PIK3CB: variants seen among roughly 807,000 people sequenced by gnomAD.
The protein encoded by PIK3CB is phosphatidylinositol 4,5-bisphosphate 3-kinase catalytic subunit beta isoform.
In PIK3CB, 39 loss-of-function variants were observed where a neutral mutation model predicts 136.8. The observed-to-expected ratio is 0.29, with a 90% CI of 0.22 to 0.37. PIK3CB has a LOEUF of 0.37. PIK3CB is among the 10% of genes least tolerant of loss of function. The pLI, the probability that PIK3CB is intolerant of heterozygous loss-of-function variation, is 1.00. For synonymous variants in PIK3CB, 428 were observed against 436.6 expected, an observed-to-expected ratio of 0.98 and a Z score of 0.25; for missense variants, 868 against 1,275.4, an observed-to-expected ratio of 0.68 and a Z score of 4.87.
At chr3:138,732,362 C>T (rs1222293623) in intron 8 of PIK3CB, among the ~76,000 whole-genome samples, 3 of 152,106 alleles carry the variant, frequency 2.0e-5, no homozygotes, top group Non-Finnish European at 2.9e-5. Context: ...ACACCAAAGG[C>T]GGTAACCACC....
chr3:138,715,878 CTTT>C (rs1298262127), intron 8 of PIK3CB, among the ~76,000 whole-genome samples: 1 of 151,722 alleles, frequency 6.6e-6, no homozygotes, highest in East Asian at 1.9e-4. Flanking sequence ...AAATAATATT[CTTT>C]TATCTAATTC....
intron 19 of PIK3CB, among the ~76,000 whole-genome samples, chr3:138,672,687 G>A (rs564679756): frequency 6.6e-6 from 1 of 152,214 alleles, no homozygotes; most frequent in East Asian, 1.9e-4. Flanking sequence ...GGAGCCAGGC[G>A]GATCACCTGA....
chr3:138,802,549 GA>G (rs59622228), intron 1 of PIK3CB, among the ~76,000 whole-genome samples: 76,252 of 147,036 alleles, frequency 0.52, 21,843 homozygotes, highest in African/African-American at 0.75. Flanking sequence ...TTTGTGAGGG[GA>G]AAAAAAAAAA....
chr3:138,751,618 T>A (rs1004466377), intron 4 of PIK3CB, among the ~76,000 whole-genome samples: 2 of 152,166 alleles, frequency 1.3e-5, no homozygotes, highest in African/African-American at 4.8e-5. Context: ...CAAATATAAT[T>A]TTTATATTTA....
intron 12 of PIK3CB, among the ~76,000 whole-genome samples, chr3:138,703,108 C>T (rs2044288602): frequency 6.6e-6 from 1 of 152,222 alleles, no homozygotes; most frequent in African/African-American, 2.4e-5. Context: ...TGGTCCCAAA[C>T]TGGCCCAGAG....
At chr3:138,821,175 C>A (rs867068438) in intron 1 of PIK3CB, among the ~76,000 whole-genome samples, 1 of 151,872 alleles carries the variant, frequency 6.6e-6, no homozygotes, top group East Asian at 1.9e-4. Flanking sequence ...ATCCCAGCTA[C>A]TCAGGAGGCT....
intron 19 of PIK3CB, among the ~76,000 whole-genome samples, chr3:138,677,455 A>G (rs1440393964): frequency 6.6e-6 from 1 of 152,228 alleles, no homozygotes; most frequent in Non-Finnish European, 1.5e-5. Flanking sequence ...AAATATTTAA[A>G]ATTGTATACA....
intron 6 of PIK3CB, among the ~76,000 whole-genome samples, chr3:138,736,659 A>G (rs1385431607): frequency 2.0e-5 from 3 of 152,218 alleles, no homozygotes; most frequent in Non-Finnish European, 2.9e-5. Context: ...TGCACATAGC[A>G]TATTTAAACT....
chr3:138,720,606 C>T (rs1362421823), intron 8 of PIK3CB, among the ~76,000 whole-genome samples: 1 of 152,150 alleles, frequency 6.6e-6, no homozygotes, highest in African/African-American at 2.4e-5. Flanking sequence ...GTGGCTTACA[C>T]CTGTAATCCC....
At chr3:138,708,593 CTTTTTT>C (rs11308775) in intron 10 of PIK3CB, among the ~76,000 whole-genome samples, 1 of 141,674 alleles carries the variant, frequency 7.1e-6, no homozygotes, top group South Asian at 2.3e-4. Context: ...GGAGGCAACT[CTTTTTT>C]TTTTTTTTTA....
At chr3:138,806,026 C>T (rs1439909576) in intron 1 of PIK3CB, among the ~76,000 whole-genome samples, 3 of 152,012 alleles carry the variant, frequency 2.0e-5, no homozygotes, top group South Asian at 4.2e-4. Context: ...CCGCGCCCGG[C>T]CCCATCTTCC....
intron 8 of PIK3CB, among the ~76,000 whole-genome samples, chr3:138,717,755 A>G (rs6439817): frequency 0.49 from 74,454 of 152,002 alleles, 20,748 homozygotes; most frequent in East Asian, 0.98. Context: ...AGTTCTTATC[A>G]TTTAGCTTCC....
At chr3:138,765,645 C>T (rs1450966722) in intron 2 of PIK3CB, among the ~76,000 whole-genome samples, 2 of 149,852 alleles carry the variant, frequency 1.3e-5, no homozygotes, top group Non-Finnish European at 1.5e-5. Flanking sequence ...GAGTTCAAGA[C>T]CATCCTGGAC....
intron 1 of PIK3CB, among the ~76,000 whole-genome samples, chr3:138,802,382 AAAAG>A (rs372416229): frequency 0.011 from 1,614 of 151,718 alleles, 37 homozygotes; most frequent in African/African-American, 0.036. Context: ...TCTCAAAAAA[AAAAG>A]AAAGAAAGAA....
chr3:138,769,083 A>G (rs2045769024), intron 2 of PIK3CB, among the ~76,000 whole-genome samples: 1 of 152,058 alleles, frequency 6.6e-6, no homozygotes, highest in Admixed American at 6.6e-5. Flanking sequence ...GCTCCTGGGA[A>G]GCTCCCACCC....
At chr3:138,706,680 G>A (rs187603215) in intron 11 of PIK3CB, among the ~76,000 whole-genome samples, 100 of 151,892 alleles carry the variant, frequency 6.6e-4, no homozygotes, top group African/African-American at 2.1e-3. Flanking sequence ...TTTTTGAGAC[G>A]GAGTTTTGCT....
At chr3:138,709,098 C>T (rs2108566642) in intron 10 of PIK3CB, among the ~76,000 whole-genome samples, 1 of 151,934 alleles carries the variant, frequency 6.6e-6, no homozygotes, top group East Asian at 1.9e-4. Context: ...AAAAGGCATT[C>T]ATATATACTA....
At chr3:138,795,978 G>A (rs995687600) in intron 2 of PIK3CB, among the ~76,000 whole-genome samples, 10 of 152,144 alleles carry the variant, frequency 6.6e-5, no homozygotes, top group African/African-American at 2.2e-4. Context: ...GCTTCATGAA[G>A]TTCTGTTCTT....
intron 10 of PIK3CB, among the ~76,000 whole-genome samples, chr3:138,709,975 C>T (rs1302774017): frequency 6.9e-6 from 1 of 144,528 alleles, no homozygotes; most frequent in African/African-American, 2.6e-5. Flanking sequence ...CCCAGGAGTT[C>T]GAGACCAGCT....
Sources: gnomAD v4.1 joint callset for allele counts (sites outside exome capture counted in the v4.1 genomes callset) on GRCh38, gnomAD v4.1.1 for gene constraint, MANE v1.5 for transcripts, NCBI Gene and HGNC (gene_info 2026-07-23, HGNC 2026-07-21) for gene names.